MBOAT1: variants seen among roughly 807,000 people sequenced by gnomAD.
MBOAT1 encodes membrane bound glycerophospholipid O-acyltransferase 1.
MBOAT1 carries 67 observed loss-of-function variants against 64.4 expected under a neutral mutation model. The observed-to-expected ratio is 1.04, with a 90% CI of 0.85 to 1.27. The LOEUF (loss-of-function observed/expected upper bound fraction) is 1.27. Among genes scored for constraint, MBOAT1 ranks in the 50% most tolerant of loss-of-function variants. MBOAT1 has a pLI of 0.00. For synonymous variants in MBOAT1, 229 were observed against 218.9 expected, an observed-to-expected ratio of 1.05 and a Z score of -0.41; for missense variants, 563 against 604.6, an observed-to-expected ratio of 0.93 and a Z score of 0.72.
intron 1 of MBOAT1, among the ~76,000 whole-genome samples, chr6:20,174,313 G>A (rs1213303156): frequency 6.6e-6 from 1 of 152,170 alleles, no homozygotes; most frequent in Non-Finnish European, 1.5e-5. Flanking sequence ...ATCATAGAGT[G>A]TACTTAAATC....
chr6:20,185,467 T>G (rs1185151229), intron 1 of MBOAT1, among the ~76,000 whole-genome samples: 1 of 152,174 alleles, frequency 6.6e-6, no homozygotes, highest in East Asian at 1.9e-4. Flanking sequence ...AAGGCCTTAA[T>G]AGAAAAAGTT....
intron 1 of MBOAT1, among the ~76,000 whole-genome samples, chr6:20,172,650 A>C (rs1256834822): frequency 6.6e-6 from 1 of 152,178 alleles, no homozygotes; most frequent in Non-Finnish European, 1.5e-5. Context: ...TTTTCCAAAA[A>C]AGACAATTCC....
intron 12 of MBOAT1, among the ~76,000 whole-genome samples, chr6:20,108,889 C>T (rs1046036260): frequency 6.6e-5 from 10 of 152,220 alleles, no homozygotes; most frequent in African/African-American, 2.4e-4. Flanking sequence ...AAGAGGCTAA[C>T]AACTTGTCAA....
intron 12 of MBOAT1, among the ~76,000 whole-genome samples, chr6:20,102,875 G>C (rs186644879): frequency 2.8e-4 from 42 of 152,190 alleles, no homozygotes; most frequent in East Asian, 1.4e-3. Flanking sequence ...ACCTAGTGAC[G>C]TCGTAGCCAT....
rs537324838 is a variant in MBOAT1 at position 20,162,911 on chromosome 6, C to T, written c.100-10142G>A. Among the ~76,000 whole-genome samples, 16 of 152,316 alleles carry T rather than the reference C, an allele frequency of 1.1e-4. No individual in the cohort carries two copies. In the East Asian group the frequency reaches 2.3e-3, roughly 22 times the overall value. On this transcript the variant is annotated intron_variant, in intron 1 of 12. Coordinates refer to ENST00000324607, the MANE Select transcript of MBOAT1 (RefSeq NM_001080480.3). ...TTCCATCAGTGCTGGGTACATCCTC[C>T]AGTCCCTCTAGAATGGGATAATCCC...
intron 1 of MBOAT1, among the ~76,000 whole-genome samples, chr6:20,206,480 T>C (rs1349014349): frequency 6.6e-6 from 1 of 152,076 alleles, no homozygotes; most frequent in Non-Finnish European, 1.5e-5. Flanking sequence ...AGCCACTTTG[T>C]ACTATTTTCC....
At chr6:20,140,767 T>C (rs1761146139) in intron 4 of MBOAT1, among the ~76,000 whole-genome samples, 1 of 152,184 alleles carries the variant, frequency 6.6e-6, no homozygotes, top group Non-Finnish European at 1.5e-5. Context: ...CCAATTCCCA[T>C]AATAAATCCT....
chr6:20,106,706 G>A (rs905218439), intron 12 of MBOAT1, among the ~76,000 whole-genome samples: 1 of 152,174 alleles, frequency 6.6e-6, no homozygotes, highest in East Asian at 1.9e-4. Context: ...ACAGGCATGA[G>A]CCACCGCGCC....
chr6:20,110,818 A>T (rs1240606137), intron 11 of MBOAT1, among the ~76,000 whole-genome samples: 1 of 152,180 alleles, frequency 6.6e-6, no homozygotes, highest in Non-Finnish European at 1.5e-5. Flanking sequence ...ATTTTGGAAA[A>T]GTTAGCTTGT....
At chr6:20,210,940 T>TAG (rs1763399941) in intron 1 of MBOAT1, among the ~76,000 whole-genome samples, 1 of 152,070 alleles carries the variant, frequency 6.6e-6, no homozygotes. Context: ...CGCCTCTGCC[T>TAG]GGGTCCCTGG....
At chr6:20,140,826 T>G (rs898566227) in intron 4 of MBOAT1, among the ~76,000 whole-genome samples, 1 of 152,212 alleles carries the variant, frequency 6.6e-6, no homozygotes, top group Non-Finnish European at 1.5e-5. Context: ...ATCCTGATAC[T>G]GATACATACA....
chr6:20,102,491 G>A (rs1759830917), intron 12 of MBOAT1, 79 bp from the exon 13 acceptor site: 16 of 1,237,528 alleles, frequency 1.3e-5, no homozygotes, highest in Non-Finnish European at 1.7e-5. Context: ...ATCACCTACA[G>A]TATGACAAGT....
In MBOAT1 at chr6:20,124,575, A is replaced by G; in HGVS notation, c.740T>C (p.Ile247Thr). Reference protein sequence around the residue: ...PTGAVIHKLGITLVSLLLFLT... With the variant: ...PTGAVIHKLGTTLVSLLLFLT... ...AAACAAAAGGAGAGACACCAAGGTGATGCCCAACTTGTGTATCACAGCTCC... is the reference window on the plus strand; with the variant it reads ...AAACAAAAGGAGAGACACCAAGGTGGTGCCCAACTTGTGTATCACAGCTCC... Residue 247 changes from isoleucine (I) to threonine (T), a missense_variant, in exon 8 of 13, where the codon ATC becomes ACC. Transcript: ENST00000324607. 6.2e-7 allele frequency: 1 copy of G among 1,614,184 alleles called. No homozygotes were observed. Among genetic ancestry groups the G allele is most frequent in the Non-Finnish European group, 8.5e-7 (1 of 1,180,002 alleles).
At chr6:20,207,968 T>C (rs1763310868) in intron 1 of MBOAT1, among the ~76,000 whole-genome samples, 1 of 152,224 alleles carries the variant, frequency 6.6e-6, no homozygotes, top group Non-Finnish European at 1.5e-5. Flanking sequence ...TTTGTATTTC[T>C]ACCATATGGC....
At chr6:20,140,029 T>C (rs921456153) in intron 4 of MBOAT1, among the ~76,000 whole-genome samples, 2 of 152,176 alleles carry the variant, frequency 1.3e-5, no homozygotes, top group African/African-American at 4.8e-5. Flanking sequence ...GGAGTGCAGA[T>C]CTGCTGAAGG....
chr6:20,192,309 G>C (rs1013058355), intron 1 of MBOAT1, among the ~76,000 whole-genome samples: 6 of 151,716 alleles, frequency 4.0e-5, no homozygotes, highest in African/African-American at 1.5e-4. Context: ...CATCTTTTCT[G>C]CCCTAAAGTA....
intron 1 of MBOAT1, among the ~76,000 whole-genome samples, chr6:20,161,289 C>T (rs578087857): frequency 3.9e-5 from 6 of 151,982 alleles, no homozygotes; most frequent in Middle Eastern, 3.4e-3. Context: ...CATCTAGTTG[C>T]AGGAAAACAA....
chr6:20,151,599 A>G (rs771603269), intron 2 of MBOAT1, among the ~76,000 whole-genome samples: 1 of 152,188 alleles, frequency 6.6e-6, no homozygotes, highest in South Asian at 2.1e-4. Context: ...TTCCCAAGAT[A>G]CCGAGACTTC....
chr6:20,108,241 A>C (rs1400885470), intron 12 of MBOAT1, among the ~76,000 whole-genome samples: 4 of 152,220 alleles, frequency 2.6e-5, no homozygotes, highest in Non-Finnish European at 5.9e-5. Context: ...CTCAATGGCC[A>C]CACATGTTGG....
Sources: gnomAD v4.1 joint callset for allele counts (sites outside exome capture counted in the v4.1 genomes callset) on GRCh38, gnomAD v4.1.1 for gene constraint, MANE v1.5 for transcripts, NCBI Gene and HGNC (gene_info 2026-07-23, HGNC 2026-07-21) for gene names.